RABGAP1: variants seen among roughly 807,000 people sequenced by gnomAD.
RABGAP1 encodes the protein rab GTPase-activating protein 1.
Under a neutral mutation model 137.6 loss-of-function variants are expected in RABGAP1, and 23 were observed. The ratio of observed to expected loss-of-function variants is 0.17; its 90% CI spans 0.12 to 0.24. RABGAP1 has a LOEUF of 0.24. Ranked by LOEUF, RABGAP1 falls within the 10% of genes least tolerant of loss-of-function variation. RABGAP1 has a pLI of 1.00. For synonymous variants in RABGAP1, 451 were observed against 450.7 expected, an observed-to-expected ratio of 1.00 and a Z score of -0.01; for missense variants, 906 against 1,275.8, an observed-to-expected ratio of 0.71 and a Z score of 4.42.
At chr9:123,049,711 A>G (rs2033374958) in intron 13 of RABGAP1, among the ~76,000 whole-genome samples, 1 of 152,212 alleles carries the variant, frequency 6.6e-6, no homozygotes, top group African/African-American at 2.4e-5. Context: ...CAGGGCACTA[A>G]GTCCCAAACA....
chr9:123,089,524 G>T, intron 19 of RABGAP1: 1 of 450,300 alleles, frequency 2.2e-6, no homozygotes. Context: ...TTCTAATACT[G>T]TCAGTTAAAG....
chr9:122,935,763 GT>G, the RABGAP1 span, among the ~76,000 whole-genome samples: 1 of 152,300 alleles, frequency 6.6e-6, no homozygotes, highest in Non-Finnish European at 1.5e-5. Flanking sequence ...AGAGATCTTT[GT>G]TTCTCTGTAT....
rs760838752 is a variant in RABGAP1, at chr9:123,101,580, C to T, written c.2904C>T (p.Asp968=). The change falls in exon 25 of 26, where the codon GAC becomes GAT. Residue 968 remains aspartate, a synonymous_variant. Coordinates refer to ENST00000373647, the MANE Select transcript of RABGAP1 (RefSeq NM_012197.4). ...TTCAATTTCAGCAAAAAGTGGATGACTGTGAGCGGTGCCGGGAATTTTTCA... is the reference window on the plus strand; with the variant it reads ...TTCAATTTCAGCAAAAAGTGGATGATTGTGAGCGGTGCCGGGAATTTTTCA... ...EIEKIRQKVD[D]CERCREFFNK... The T allele has an allele frequency of 6.2e-7, 1 of 1,613,898 alleles. No homozygotes were observed. Among genetic ancestry groups the T allele is most frequent in the Admixed American group, 1.7e-5 (1 of 59,986 alleles).
rs1057363965 is a variant in RABGAP1, at chr9:123,103,734, T to C, written c.*521T>C. ...GGTAGACATGGAGAAGCACTTTGTT[T>C]TAAATAGGAGGGTTTCATAGTTGCA... On this transcript the variant is annotated 3_prime_UTR_variant, in exon 26 of 26. Coordinates refer to ENST00000373647, the MANE Select transcript of RABGAP1 (RefSeq NM_012197.4). The C allele has an allele frequency of 6.7e-6, 1 of 149,516 alleles. No individual in the cohort carries two copies. The highest frequency in any genetic ancestry group is 2.5e-5 in the African/African-American group (1 of 40,734). 9.3% of individuals were successfully genotyped at this position (149,516 alleles called of 1,614,324 possible).
intron 23 of RABGAP1, among the ~76,000 whole-genome samples, chr9:123,099,105 C>T (rs972614067): frequency 5.9e-5 from 9 of 152,180 alleles, no homozygotes; most frequent in Non-Finnish European, 1.2e-4. Flanking sequence ...TTCAGAATTA[C>T]GAACTTTTGT....
At position 122,990,769 on chromosome 9, in the gene RABGAP1, C is replaced by CAAAAAAA. The variant is rs869120702; in HGVS notation, c.923+578_923+584dup. 3 of 15,912 alleles carry CAAAAAAA rather than the reference C, an allele frequency of 1.9e-4. 1 individual carries two copies. The highest frequency in any genetic ancestry group is 1.3e-3 in the African/African-American group (3 of 2,380). 1.0% of individuals were successfully genotyped at this position (15,912 alleles called of 1,614,324 possible). On this transcript the variant is annotated intron_variant, in intron 6 of 25. Coordinates refer to ENST00000373647, the MANE Select transcript of RABGAP1 (RefSeq NM_012197.4). ...GGGCAACGAGAACGAAACTCCGTCT[C>CAAAAAAA]AAAAAAAAAAAAAAAAAAAAAAAAA...
intron 6 of RABGAP1, 123 bp from the exon 7 acceptor site, chr9:122,995,918 T>G: frequency 6.9e-7 from 1 of 1,440,808 alleles, no homozygotes; most frequent in African/African-American, 1.5e-5. Flanking sequence ...TTTTCTTTTT[T>G]GTTATTATTT....
At position 122,997,139 on chromosome 9, in the gene RABGAP1, C is replaced by G. The variant is rs574976834; in HGVS notation, c.1102-120C>G. ...CCATAAATGTAATCATTCACATACA[C>G]TTATCCTCTTCCATATTCTTATATT... On this transcript the variant is annotated intron_variant, in intron 8 of 25. Coordinates refer to ENST00000373647, the MANE Select transcript of RABGAP1 (RefSeq NM_012197.4). The G allele has an allele frequency of 4.3e-6, 3 of 695,562 alleles. No individual in the cohort carries two copies. The South Asian group carries it at 5.7e-5, about 13-fold the overall frequency. The allele number at this position is 695,562 out of a possible 1,614,324, so 43.1% of individuals were successfully genotyped here. A position where few individuals can be genotyped will look rare whatever the true frequency, so the allele number is the denominator to read the frequency against.
intron 22 of RABGAP1, 28 bp downstream of exon 22, chr9:123,097,873 T>C: frequency 1.3e-6 from 2 of 1,586,224 alleles, no homozygotes; most frequent in East Asian, 2.2e-5. Context: ...CATTCCTCTG[T>C]CTTGCAAATG....
At chr9:122,949,098 A>G (rs565400738) in intron 1 of RABGAP1, among the ~76,000 whole-genome samples, 1 of 152,312 alleles carries the variant, frequency 6.6e-6, no homozygotes, top group Non-Finnish European at 1.5e-5. Flanking sequence ...GCGTTGGGCT[A>G]GGTGCGGTGG....
chr9:123,022,771 T>C (rs542719649), intron 13 of RABGAP1, among the ~76,000 whole-genome samples: 3 of 152,284 alleles, frequency 2.0e-5, no homozygotes, highest in Admixed American at 6.5e-5. Flanking sequence ...ATAGAAATTA[T>C]TTAACCACCA....
rs11319313 is a variant in RABGAP1 at position 123,069,575 on chromosome 9, T to TA, written c.1909-761dup. ...CAACATAGTGAGACCCTGTCTCTAT[T>TA]AAAAAAAAAAAAAATGCAGTGTGGG... On this transcript the variant is annotated intron_variant, in intron 14 of 25. Transcript: ENST00000373647. Among the ~76,000 whole-genome samples, 1,314 of 145,514 alleles carry TA rather than the reference T, an allele frequency of 9.0e-3. 18 individuals are homozygous for TA. Among genetic ancestry groups the TA allele is most frequent in the African/African-American group, 0.032 (1,243 of 39,360 alleles).
intron 16 of RABGAP1, 65 bp downstream of exon 16, chr9:123,073,742 G>A (rs2034428857): frequency 6.3e-7 from 1 of 1,594,404 alleles, no homozygotes; most frequent in Admixed American, 1.8e-5. Flanking sequence ...CCAAATTGAG[G>A]AAATGGTGCC....
chr9:123,091,844 C>A (rs546148659), intron 21 of RABGAP1, among the ~76,000 whole-genome samples: 1 of 152,036 alleles, frequency 6.6e-6, no homozygotes, highest in Admixed American at 6.5e-5. Flanking sequence ...TTCCTCCTTA[C>A]GGTGCAAATT....
At chr9:123,013,315 T>A (rs1241459462) in intron 11 of RABGAP1, among the ~76,000 whole-genome samples, 1 of 147,648 alleles carries the variant, frequency 6.8e-6, no homozygotes, top group African/African-American at 2.4e-5. Flanking sequence ...TGGGGACATT[T>A]ACCTTAGTGC....
At chr9:122,935,503 A>G in the RABGAP1 span, among the ~76,000 whole-genome samples, 1 of 152,020 alleles carries the variant, frequency 6.6e-6, no homozygotes, top group African/African-American at 2.4e-5. Flanking sequence ...ACGCCCAGCT[A>G]ATTTGTTTCT....
At chr9:123,079,955 C>A (rs2034655723) in intron 19 of RABGAP1, among the ~76,000 whole-genome samples, 1 of 152,162 alleles carries the variant, frequency 6.6e-6, no homozygotes, top group Non-Finnish European at 1.5e-5. Flanking sequence ...AACAGGATCT[C>A]GCTTATAAAT....
intron 23 of RABGAP1, among the ~76,000 whole-genome samples, chr9:123,099,097 C>G (rs2035267568): frequency 6.6e-6 from 1 of 152,200 alleles, no homozygotes; most frequent in Admixed American, 6.5e-5. Flanking sequence ...ATTTCAGATT[C>G]AGAATTACGA....
intron 2 of RABGAP1, among the ~76,000 whole-genome samples, chr9:122,973,461 C>A (rs1361010271): frequency 1.3e-5 from 2 of 151,986 alleles, no homozygotes; most frequent in Non-Finnish European, 2.9e-5. Context: ...TGGTCTCGAT[C>A]TGACCTCGTG....
Sources: gnomAD v4.1 joint callset for allele counts (sites outside exome capture counted in the v4.1 genomes callset) on GRCh38, gnomAD v4.1.1 for gene constraint, MANE v1.5 for transcripts, NCBI Gene and HGNC (gene_info 2026-07-23, HGNC 2026-07-21) for gene names.